Variants in MARCHF1 observed in about 807,000 individuals in gnomAD.
MARCHF1 encodes the protein membrane associated ring-CH-type finger 1, also known as E3 ubiquitin-protein ligase MARCHF1.
A neutral mutation model predicts 54.2 loss-of-function variants in MARCHF1; 40 were observed. The observed-to-expected ratio is 0.74, with a 90% CI of 0.57 to 0.96. MARCHF1 has a LOEUF of 0.96. Among genes scored for constraint, MARCHF1 ranks in the 40% least tolerant of loss-of-function variants. The pLI, the probability that MARCHF1 is intolerant of heterozygous loss-of-function variation, is 0.00. For synonymous variants in MARCHF1, 236 were observed against 236.3 expected (o/e 1.00, Z 0.01); for missense variants, 586 against 656.5 (o/e 0.89, Z 1.17).
chr4:163,828,054 C>CACACACACACACACACAGAG lies in MARCHF1; in HGVS notation c.111+25966_111+25967insCTCTGTGTGTGTGTGTGTGT, dbSNP rs774603753. Among the ~76,000 whole-genome samples, 10 of 148,312 alleles carry CACACACACACACACACAGAG rather than the reference C, an allele frequency of 6.7e-5. No individual in the cohort carries two copies. In the East Asian group the frequency reaches 1.2e-3, roughly 18 times the overall value. ...ACACACACACACACACACACACACA[C>CACACACACACACACACAGAG]AGACACACCTTGTCATTCTCCTCCT... On this transcript the variant is annotated intron_variant, in intron 4 of 9. Transcript: ENST00000514618.
intron 8 of MARCHF1, among the ~76,000 whole-genome samples, chr4:163,553,652 C>T (rs1739190390): frequency 6.6e-6 from 1 of 152,202 alleles, no homozygotes; most frequent in African/African-American, 2.4e-5. Context: ...CCAGTAACTT[C>T]TCATTCTTGT....
At chr4:163,562,140 T>C (rs534866473) in intron 8 of MARCHF1, among the ~76,000 whole-genome samples, 112 of 152,008 alleles carry the variant, frequency 7.4e-4, no homozygotes, top group African/African-American at 2.6e-3. Flanking sequence ...CTACTAAAAA[T>C]ACAAAAATTA....
At chr4:163,829,146 A>T in intron 4 of MARCHF1, 1 of 152,168 alleles carries the variant, frequency 6.6e-6, no homozygotes, top group Non-Finnish European at 1.5e-5. Context: ...CTCAAAAATA[A>T]ATATATATCT....
chr4:164,311,582 C>T (rs766266294), intron 1 of MARCHF1, among the ~76,000 whole-genome samples: 14 of 152,224 alleles, frequency 9.2e-5, no homozygotes, highest in Non-Finnish European at 1.9e-4. Flanking sequence ...TTTCTGGTTG[C>T]TATGAAACTA....
chr4:164,025,227 A>T (rs1753741247), intron 2 of MARCHF1, among the ~76,000 whole-genome samples: 1 of 152,070 alleles, frequency 6.6e-6, no homozygotes, highest in Non-Finnish European at 1.5e-5. Flanking sequence ...TAAATGTGAC[A>T]ATCAATTGAA....
At chr4:164,168,443 C>G (rs935617252) in intron 1 of MARCHF1, among the ~76,000 whole-genome samples, 1 of 151,992 alleles carries the variant, frequency 6.6e-6, no homozygotes, top group Non-Finnish European at 1.5e-5. Flanking sequence ...TATCTGCACT[C>G]TCATATTCAT....
intron 1 of MARCHF1, among the ~76,000 whole-genome samples, chr4:164,199,671 C>CAG (rs1358492298): frequency 0.011 from 605 of 56,464 alleles, 2 homozygotes; most frequent in Non-Finnish European, 0.012. Context: ...CACACACACA[C>CAG]ACACACACAC....
intron 1 of MARCHF1, among the ~76,000 whole-genome samples, chr4:164,248,902 A>ACATAATT (rs71600694): frequency 0.11 from 17,364 of 151,840 alleles, 1,540 homozygotes; most frequent in African/African-American, 0.25. Context: ...TAATTCATTC[A>ACATAATT]CATAATTCAT....
chr4:163,718,791 C>A (rs534133249), intron 4 of MARCHF1, among the ~76,000 whole-genome samples: 48 of 151,944 alleles, frequency 3.2e-4, no homozygotes, highest in Non-Finnish European at 6.0e-4. Flanking sequence ...CAGTATTTAT[C>A]CCAACTTTCT....
rs912002441 is a variant in MARCHF1, at chr4:163,528,473, C to T, written c.*275G>A. 1 of 389,496 alleles carries T rather than the reference C, an allele frequency of 2.6e-6. No homozygotes were observed. Among genetic ancestry groups the T allele is most frequent in the Non-Finnish European group, 4.6e-6 (1 of 215,350 alleles). The allele number at this position is 389,496 out of a possible 1,614,324, so 24.1% of individuals were successfully genotyped here. A position where few individuals can be genotyped will look rare whatever the true frequency, so the allele number is the denominator to read the frequency against. On this transcript the variant is annotated 3_prime_UTR_variant, in exon 10 of 10. Transcript: ENST00000514618. ...TCTTTGATTACTGCCTAAAAGCATT[C>T]ATTGCCCCAGTAGTTCTTAATTGTC...
intron 1 of MARCHF1, among the ~76,000 whole-genome samples, chr4:164,361,068 T>C (rs1035396138): frequency 1.8e-4 from 27 of 151,790 alleles, no homozygotes; most frequent in African/African-American, 5.8e-4. Flanking sequence ...GTGCTGTGTA[T>C]CATAACACTG....
At chr4:164,219,499 G>T (rs1264942435) in intron 1 of MARCHF1, among the ~76,000 whole-genome samples, 1 of 152,030 alleles carries the variant, frequency 6.6e-6, no homozygotes, top group Non-Finnish European at 1.5e-5. Context: ...TGAAATTCCA[G>T]TGTGTTTTAC....
chr4:164,155,507 C>T (rs1381228112), intron 1 of MARCHF1, among the ~76,000 whole-genome samples: 1 of 152,046 alleles, frequency 6.6e-6, no homozygotes, highest in Non-Finnish European at 1.5e-5. Context: ...GTTCTCTAGT[C>T]TTGGTTCTCT....
At chr4:164,056,456 C>T (rs1238243507) in intron 2 of MARCHF1, among the ~76,000 whole-genome samples, 1 of 152,142 alleles carries the variant, frequency 6.6e-6, no homozygotes, top group South Asian at 2.1e-4. Flanking sequence ...ACTTGGGTTC[C>T]TTTACTTCCT....
At chr4:164,295,295 TCTC>T (rs1434429409) in intron 1 of MARCHF1, among the ~76,000 whole-genome samples, 1 of 152,208 alleles carries the variant, frequency 6.6e-6, no homozygotes, top group Non-Finnish European at 1.5e-5. Context: ...GGAGTTTTTA[TCTC>T]CTGTTTTCAG....
intron 3 of MARCHF1, among the ~76,000 whole-genome samples, chr4:163,968,592 G>A (rs1272385605): frequency 6.6e-6 from 1 of 152,112 alleles, no homozygotes; most frequent in Non-Finnish European, 1.5e-5. Flanking sequence ...TGTTTGTTGA[G>A]CTCCTACTCT....
chr4:164,066,102 C>T (rs1328973766), intron 2 of MARCHF1, among the ~76,000 whole-genome samples: 1 of 151,990 alleles, frequency 6.6e-6, no homozygotes, highest in African/African-American at 2.4e-5. Flanking sequence ...AAGTTGACAC[C>T]TAATATCAAC....
intron 5 of MARCHF1, among the ~76,000 whole-genome samples, chr4:163,633,041 C>A (rs368752694): frequency 6.6e-6 from 1 of 152,082 alleles, no homozygotes; most frequent in Admixed American, 6.6e-5. Context: ...AGGGTCCTGT[C>A]TGTTAGAAGG....
chr4:164,054,661 A>G (rs1349046104), intron 2 of MARCHF1, among the ~76,000 whole-genome samples: 1 of 151,426 alleles, frequency 6.6e-6, no homozygotes, highest in African/African-American at 2.4e-5. Context: ...CATCATTCTC[A>G]GTAAACTATC....
Sources: allele counts gnomAD v4.1 joint callset (sites outside exome capture counted in the v4.1 genomes callset), GRCh38; gene constraint gnomAD v4.1.1; transcripts MANE v1.5; gene names NCBI Gene and HGNC (gene_info 2026-07-23, HGNC 2026-07-21).